The following CAMKMT variants were observed in gnomAD, a reference collection of about 807,000 sequenced individuals.
CAMKMT encodes CaM KMT.
Under a neutral mutation model 48.0 loss-of-function variants are expected in CAMKMT, and 53 were observed. That is an observed-to-expected ratio of 1.10 (90% CI 0.89 to 1.39). The LOEUF is 1.39. Among genes scored for constraint, CAMKMT ranks in the 40% most tolerant of loss-of-function variants. The pLI, the probability that CAMKMT is intolerant of heterozygous loss-of-function variation, is 0.00. For synonymous variants in CAMKMT, 165 were observed against 152.3 expected, an observed-to-expected ratio of 1.08 and a Z score of -0.61; for missense variants, 428 against 402.7, an observed-to-expected ratio of 1.06 and a Z score of -0.54.
chr2:44,687,810 G>A (rs343976), intron 3 of CAMKMT, among the ~76,000 whole-genome samples: 78,341 of 152,086 alleles, frequency 0.52, 21,103 homozygotes, highest in African/African-American at 0.59. Context: ...GCAAATGAAA[G>A]CAGGCAGCTG....
At chr2:44,483,980 A>T (rs1297569955) in intron 3 of CAMKMT, among the ~76,000 whole-genome samples, 1 of 152,172 alleles carries the variant, frequency 6.6e-6, no homozygotes, top group Admixed American at 6.5e-5. Flanking sequence ...GGAACTGAAG[A>T]AGTTTCTAAG....
At chr2:44,700,128 AC>A (rs1677179915) in intron 3 of CAMKMT, among the ~76,000 whole-genome samples, 1 of 152,046 alleles carries the variant, frequency 6.6e-6, no homozygotes, top group African/African-American at 2.4e-5. Flanking sequence ...TCTTGAACTA[AC>A]CTCCACTAGC....
intron 3 of CAMKMT, among the ~76,000 whole-genome samples, chr2:44,639,793 T>C (rs905754401): frequency 6.6e-6 from 1 of 152,240 alleles, no homozygotes; most frequent in Non-Finnish European, 1.5e-5. Flanking sequence ...TAATAAAAGT[T>C]GATTTGTTGC....
intron 3 of CAMKMT, among the ~76,000 whole-genome samples, chr2:44,513,829 G>A (rs1028428617): frequency 1.3e-5 from 2 of 152,100 alleles, no homozygotes; most frequent in African/African-American, 4.8e-5. Context: ...GGCCAGGAAT[G>A]GTGGCTCACA....
chr2:44,532,013 C>T (rs1666510303), intron 3 of CAMKMT, among the ~76,000 whole-genome samples: 1 of 152,178 alleles, frequency 6.6e-6, no homozygotes, highest in Admixed American at 6.5e-5. Flanking sequence ...AGGATTAGGA[C>T]TCTTGATTCC....
Position 44,582,414 on chromosome 2 carries a change from A to G in CAMKMT, c.377-121869A>G, listed in dbSNP as rs531216004. ...AAAATAGATGAAGCGATACTTAAAC[A>G]TAATTCTCCATTTCTAAATGCACTC... On this transcript the variant is annotated intron_variant, in intron 3 of 10. Coordinates refer to ENST00000378494, the MANE Select transcript of CAMKMT (RefSeq NM_024766.5). Among the ~76,000 whole-genome samples, 88 of 152,354 alleles carry G rather than the reference A, an allele frequency of 5.8e-4. No individual in the cohort carries two copies. The Middle Eastern group carries it at 0.02, about 35-fold the overall frequency.
At chr2:44,492,491 A>C (rs1669556502) in intron 3 of CAMKMT, among the ~76,000 whole-genome samples, 1 of 152,204 alleles carries the variant, frequency 6.6e-6, no homozygotes, top group Non-Finnish European at 1.5e-5. Flanking sequence ...TTTAAAAGTT[A>C]AAAAAATAAT....
At chr2:44,667,302 A>G (rs1034723117) in intron 3 of CAMKMT, among the ~76,000 whole-genome samples, 1 of 152,096 alleles carries the variant, frequency 6.6e-6, no homozygotes, top group African/African-American at 2.4e-5. Flanking sequence ...GTTTACCTCT[A>G]TCACCAGCAG....
chr2:44,375,791 T>C (rs1390085778), intron 2 of CAMKMT, among the ~76,000 whole-genome samples: 2 of 151,952 alleles, frequency 1.3e-5, no homozygotes, highest in East Asian at 1.9e-4. Context: ...TCTTGGTTTT[T>C]TTTTTCTTTT....
chr2:44,365,316 A>G (rs1300859608), intron 1 of CAMKMT, among the ~76,000 whole-genome samples: 56 of 152,266 alleles, frequency 3.7e-4, no homozygotes, highest in Non-Finnish European at 1.5e-5. Flanking sequence ...TGTGTTTTGT[A>G]ATTAACAAAA....
At chr2:44,652,598 C>A (rs1186973894) in intron 3 of CAMKMT, among the ~76,000 whole-genome samples, 1 of 152,216 alleles carries the variant, frequency 6.6e-6, no homozygotes, top group Admixed American at 6.5e-5. Context: ...CATCTCACCA[C>A]CACTGCCTCC....
chr2:44,395,051 A>C (rs533978558), intron 3 of CAMKMT: 122 of 442,108 alleles, frequency 2.8e-4, no homozygotes, highest in South Asian at 1.9e-3. Context: ...AAAAAATTAT[A>C]TGTTTTCACT....
intron 3 of CAMKMT, among the ~76,000 whole-genome samples, chr2:44,691,522 T>C (rs1676653748): frequency 6.6e-6 from 1 of 152,212 alleles, no homozygotes; most frequent in South Asian, 2.1e-4. Flanking sequence ...GGCCATCCTA[T>C]AGTCCTAGAA....
intron 7 of CAMKMT, among the ~76,000 whole-genome samples, chr2:44,735,897 C>CAAACAAAACAAAACAAAACA (rs57656418): frequency 1.3e-5 from 2 of 149,700 alleles, no homozygotes; most frequent in African/African-American, 2.5e-5. Context: ...TGCTCTGTCT[C>CAAACAAAACAAAACAAAACA]AAACAAAACA....
chr2:44,642,139 A>G (rs1458856745), intron 3 of CAMKMT, among the ~76,000 whole-genome samples: 2 of 152,242 alleles, frequency 1.3e-5, no homozygotes, highest in African/African-American at 2.4e-5. Flanking sequence ...TGCCTCCTAT[A>G]TAAAAATAAT....
At chr2:44,506,357 C>G (rs941908390) in intron 3 of CAMKMT, among the ~76,000 whole-genome samples, 1 of 151,998 alleles carries the variant, frequency 6.6e-6, no homozygotes, top group Admixed American at 6.6e-5. Context: ...TTTTCTCATG[C>G]CTTAAGGATT....
chr2:44,438,683 G>T (rs923895401), intron 3 of CAMKMT, among the ~76,000 whole-genome samples: 1 of 152,074 alleles, frequency 6.6e-6, no homozygotes, highest in Admixed American at 6.6e-5. Context: ...CTACTCAGGT[G>T]TGTGTTTTTT....
intron 3 of CAMKMT, among the ~76,000 whole-genome samples, chr2:44,665,497 A>G (rs1394138259): frequency 6.6e-6 from 1 of 152,204 alleles, no homozygotes; most frequent in Non-Finnish European, 1.5e-5. Flanking sequence ...TTTCAGATTA[A>G]GGAGTTTGAT....
At chr2:44,614,067 T>C (rs62132314) in intron 3 of CAMKMT, among the ~76,000 whole-genome samples, 19,968 of 152,242 alleles carry the variant, frequency 0.13, 1,470 homozygotes, top group Admixed American at 0.23. Flanking sequence ...AGAAAACCTA[T>C]AATGCTTTTC....
Sources: allele counts gnomAD v4.1 joint callset (sites outside exome capture counted in the v4.1 genomes callset), GRCh38; gene constraint gnomAD v4.1.1; transcripts MANE v1.5; gene names NCBI Gene and HGNC (gene_info 2026-07-23, HGNC 2026-07-21).